TTYH3: variants seen among roughly 807,000 people sequenced by gnomAD.
TTYH3 encodes tweety family member 3, also known as protein tweety homolog 3.
A neutral mutation model predicts 68.2 loss-of-function variants in TTYH3; 23 were observed. The observed-to-expected ratio is 0.34, with a 90% confidence interval of 0.24 to 0.48. The LOEUF is 0.48. Ranked by LOEUF, TTYH3 falls within the 20% of genes least tolerant of loss-of-function variation. The probability of loss-of-function intolerance (pLI) is 0.99; values close to 1 mark genes in which losing one functional copy is unlikely to be tolerated. For missense variants in TTYH3, 768 were observed against 727.7 expected (o/e 1.06, Z -0.64); for synonymous variants, 360 against 332.8 (o/e 1.08, Z -0.89).
At chr7:2,644,263 C>T (rs933514641) in intron 1 of TTYH3, among the ~76,000 whole-genome samples, 7 of 152,156 alleles carry the variant, frequency 4.6e-5, no homozygotes, top group African/African-American at 7.2e-5. Context: ...CAGTCACAGC[C>T]GGTGGGGTCA....
chr7:2,640,786 G>GTGCCC (rs112532601), intron 1 of TTYH3, among the ~76,000 whole-genome samples: 3 of 151,538 alleles, frequency 2.0e-5, no homozygotes, highest in Non-Finnish European at 4.4e-5. Context: ...GTCTGCTCAA[G>GTGCCC]TGCCCCGTGG....
chr7:2,647,121 T>G, intron 2 of TTYH3, 21 bp from the exon 3 acceptor site: 1 of 1,579,010 alleles, frequency 6.3e-7, no homozygotes, highest in South Asian at 1.1e-5. Context: ...GGGCTACATC[T>G]CACGGGCCCG....
intron 1 of TTYH3, among the ~76,000 whole-genome samples, chr7:2,634,403 G>A (rs1423303756): frequency 1.3e-5 from 2 of 152,142 alleles, no homozygotes; most frequent in African/African-American, 2.4e-5. Flanking sequence ...TGTGGCAGGC[G>A]CCCCTTCCTG....
At position 2,645,315 on chromosome 7, in the gene TTYH3, A is replaced by G. The variant is rs527252012; in HGVS notation, c.124-1538A>G. 3.3e-5 allele frequency among the ~76,000 whole-genome samples: 5 copies of G among 152,264 alleles called. No homozygotes were observed. Among genetic ancestry groups the G allele is most frequent in the East Asian group, 1.9e-4 (1 of 5,178 alleles). ...CCTGTGTGCTTTCTCTGTAGCTTCTATGAAGCCCAGTTTCCCTGTGGATGA... is the reference window on the plus strand; with the variant it reads ...CCTGTGTGCTTTCTCTGTAGCTTCTGTGAAGCCCAGTTTCCCTGTGGATGA... On this transcript the variant is annotated intron_variant, in intron 1 of 13. Coordinates refer to ENST00000258796, the MANE Select transcript of TTYH3 (RefSeq NM_025250.3). This position sits in a 1 kb window ranked among gnomAD's most constrained non-coding sequence, Gnocchi z 4.8.
intron 1 of TTYH3, among the ~76,000 whole-genome samples, chr7:2,635,049 C>T (rs546662111): frequency 2.6e-5 from 4 of 152,242 alleles, no homozygotes; most frequent in Admixed American, 2.6e-4. Flanking sequence ...CAGTGACTGT[C>T]GAGAGGGGCT....
In TTYH3 at chr7:2,649,564, C is replaced by T. The variant is rs1274963456; in HGVS notation, c.723-3C>T. The T allele has an allele frequency of 4.4e-6, 7 of 1,581,540 alleles. No homozygotes were observed. The highest frequency in any genetic ancestry group is 6.0e-6 in the Non-Finnish European group (7 of 1,170,798). ...GGCTGCTGACTGGCTGTCTCTGCCCCAGGGTCTGCCTGCTGGGAGTCCTGG... is the reference window on the plus strand; with the variant it reads ...GGCTGCTGACTGGCTGTCTCTGCCCTAGGGTCTGCCTGCTGGGAGTCCTGG... On this transcript the variant is annotated splice_region_variant and splice_polypyrimidine_tract_variant and intron_variant, in intron 5 of 13. Coordinates refer to ENST00000258796, the MANE Select transcript of TTYH3 (RefSeq NM_025250.3).
chr7:2,638,551 G>A (rs1785742514), intron 1 of TTYH3, among the ~76,000 whole-genome samples: 1 of 152,100 alleles, frequency 6.6e-6, no homozygotes, highest in African/African-American at 2.4e-5. Flanking sequence ...GTGGGGCCAT[G>A]TGCAGCCTGG....
chr7:2,639,754 C>A (rs567395794), intron 1 of TTYH3, among the ~76,000 whole-genome samples: 1 of 152,184 alleles, frequency 6.6e-6, no homozygotes, highest in Non-Finnish European at 1.5e-5. Flanking sequence ...GGGGTTCTGG[C>A]CCCTCAGTGG....
intron 10 of TTYH3, 91 bp from the exon 11 acceptor site, chr7:2,656,307 G>T (rs1786332337): frequency 6.4e-7 from 1 of 1,571,128 alleles, no homozygotes; most frequent in Admixed American, 1.7e-5. Context: ...CTGGGGGGCG[G>T]TCCAGGCCGC....
intron 13 of TTYH3, among the ~76,000 whole-genome samples, chr7:2,660,705 G>A (rs544364014): frequency 8.5e-4 from 130 of 152,262 alleles, no homozygotes; most frequent in Non-Finnish European, 1.6e-3. Context: ...GGCCCTCGGG[G>A]ACCCGGGGAG....
Position 2,645,693 on chromosome 7 carries a change from C to A in TTYH3, c.124-1160C>A, listed in dbSNP as rs1342391264. 2.3e-6 allele frequency: 1 copy of A among 436,004 alleles called. No homozygotes were observed. The highest frequency in any genetic ancestry group is 2.6e-5 in the Admixed American group (1 of 37,852). The allele number at this position is 436,004 out of a possible 1,614,324, so 27.0% of individuals were successfully genotyped here. On this transcript the variant is annotated intron_variant, in intron 1 of 13. Transcript: ENST00000258796. This position sits in a 1 kb window ranked among gnomAD's most constrained non-coding sequence, Gnocchi z 4.8. Reference sequence around the variant, plus strand: ...GGGCACGCCATGGACGGTGCCCACCCCTGAGTGCAGCTTCTCGGTGCACAG... The same window carrying A: ...GGGCACGCCATGGACGGTGCCCACCACTGAGTGCAGCTTCTCGGTGCACAG...
At chr7:2,639,415 A>C (rs558084801) in intron 1 of TTYH3, among the ~76,000 whole-genome samples, 1 of 152,144 alleles carries the variant, frequency 6.6e-6, no homozygotes, top group Non-Finnish European at 1.5e-5. Flanking sequence ...TGCTCCCCAC[A>C]ACGGGAGTTT....
At chr7:2,638,073 C>A (rs1785727896) in intron 1 of TTYH3, among the ~76,000 whole-genome samples, 1 of 152,176 alleles carries the variant, frequency 6.6e-6, no homozygotes, top group Admixed American at 6.5e-5. Flanking sequence ...TTCTGGGGTG[C>A]ACCCAGCTCT....
In TTYH3 at chr7:2,632,061, C is replaced by A. The variant is rs184558238; in HGVS notation, c.-95C>A. 3.6e-3 allele frequency: 4,105 copies of A among 1,135,426 alleles called. 31 individuals carry two copies. Among genetic ancestry groups the A allele is most frequent in the East Asian group, 0.023 (638 of 27,914 alleles). 70.3% of individuals were successfully genotyped at this position (1,135,426 alleles called of 1,614,324 possible). The stretch of plus-strand genomic sequence containing the variant: ...GGAGCGCGCGGATGATGCGGGCGGC[C>A]AGGCGGGGGTCGACGGGTCCCTGAA... On this transcript the variant is annotated 5_prime_UTR_variant, in exon 1 of 14. Coordinates refer to ENST00000258796, the MANE Select transcript of TTYH3 (RefSeq NM_025250.3).
chr7:2,634,935 C>A (rs1785618495), intron 1 of TTYH3, among the ~76,000 whole-genome samples: 1 of 151,986 alleles, frequency 6.6e-6, no homozygotes, highest in African/African-American at 2.4e-5. Flanking sequence ...TGCCTTGCCG[C>A]TGGGGGTGTG....
In TTYH3 at chr7:2,632,926, G is replaced by A. The variant is rs149344770; in HGVS notation, c.123+648G>A. Among the ~76,000 whole-genome samples the A allele has an allele frequency of 1.0e-3, 159 of 152,326 alleles. No individual in the cohort carries two copies. In the Middle Eastern group the frequency reaches 0.027, roughly 26 times the overall value. ...GTGTGTGGCCGTGGGAGACCAGGCT[G>A]CCTGTAGCCCCCGGGGGAGGGAGGC... On this transcript the variant is annotated intron_variant, in intron 1 of 13. Transcript: ENST00000258796.
Position 2,647,198 on chromosome 7 carries a change from G to C in TTYH3, c.350G>C (p.Arg117Thr), listed in dbSNP as rs1427177446. The stretch of plus-strand genomic sequence containing the variant: ...GGGGAGACCAGTGATGGCATCCATA[G>C]GGCCACCTACTCGCTCCGCCACGCC... ...GNGETSDGIH[R>T]ATYSLRHANR... is the part of the protein sequence containing the mutation. The change falls in exon 3 of 14, where the codon AGG becomes ACG. Residue 117 changes from arginine (R) to threonine (T), a missense_variant. Transcript: ENST00000258796. 2.5e-6 allele frequency: 4 copies of C among 1,606,438 alleles called. No individual in the cohort carries two copies. The highest frequency in any genetic ancestry group is 3.4e-6 in the Non-Finnish European group (4 of 1,178,112).
chr7:2,655,992 G>A, intron 9 of TTYH3, 100 bp from the exon 10 acceptor site: 2 of 928,280 alleles, frequency 2.2e-6, no homozygotes, highest in Non-Finnish European at 1.6e-6. Context: ...CGAAGATTAT[G>A]GGCTGGAGGG....
intron 1 of TTYH3, among the ~76,000 whole-genome samples, chr7:2,641,590 G>A (rs535294277): frequency 2.0e-5 from 3 of 152,242 alleles, no homozygotes; most frequent in African/African-American, 4.8e-5. Context: ...CACCACAGAC[G>A]GAAAATTCCA....
Sources: allele counts gnomAD v4.1 joint callset (sites outside exome capture counted in the v4.1 genomes callset), GRCh38; gene constraint gnomAD v4.1.1; non-coding constraint Gnocchi (gnomAD v3.1); transcripts MANE v1.5; gene names NCBI Gene and HGNC (gene_info 2026-07-23, HGNC 2026-07-21).